Variants in INPP4B observed in about 807,000 individuals in gnomAD.
INPP4B encodes the protein inositol polyphosphate 4-phosphatase type II.
Under a neutral mutation model 122.5 loss-of-function variants are expected in INPP4B, and 55 were observed. The observed-to-expected ratio is 0.45, with a 90% CI of 0.36 to 0.56. The LOEUF (loss-of-function observed/expected upper bound fraction) is 0.56. INPP4B is among the 20% of genes least tolerant of loss of function. The probability of loss-of-function intolerance (pLI) is 0.00; values close to 1 mark genes in which losing one functional copy is unlikely to be tolerated. For synonymous variants in INPP4B, 403 were observed against 388.7 expected, an observed-to-expected ratio of 1.04 and a Z score of -0.43; for missense variants, 1,000 against 1,097.7, an observed-to-expected ratio of 0.91 and a Z score of 1.26.
rs141361624 is a variant in INPP4B, at chr4:142,651,785, T to G, written c.-191+74054A>C. 2.7e-3 allele frequency among the ~76,000 whole-genome samples: 405 copies of G among 152,234 alleles called. 6 individuals carry two copies. The highest frequency in any genetic ancestry group is 0.018 in the East Asian group (95 of 5,176). ...CTGGTAGATTCACAGCTGAAATCTA[T>G]GAGATGTACATAGAGGAGCTGGTAC... On this transcript the variant is annotated intron_variant, in intron 2 of 25. Coordinates refer to ENST00000262992, the MANE Select transcript of INPP4B (RefSeq NM_001101669.3).
At chr4:142,407,749 A>G (rs189647722) in intron 5 of INPP4B, among the ~76,000 whole-genome samples, 1 of 152,186 alleles carries the variant, frequency 6.6e-6, no homozygotes, top group Admixed American at 6.5e-5. Flanking sequence ...CAGAATTCCT[A>G]AGCTGTGCTC....
At chr4:142,587,897 G>A (rs1038206526) in intron 2 of INPP4B, among the ~76,000 whole-genome samples, 12 of 151,926 alleles carry the variant, frequency 7.9e-5, no homozygotes, top group South Asian at 2.1e-4. Flanking sequence ...GTAAAGCATA[G>A]ACCAATATCT....
chr4:142,266,171 A>G (rs1742698738), intron 10 of INPP4B, among the ~76,000 whole-genome samples: 1 of 152,162 alleles, frequency 6.6e-6, no homozygotes, highest in African/African-American at 2.4e-5. Flanking sequence ...TTCATGTGAT[A>G]GTGACAAAGA....
intron 12 of INPP4B, among the ~76,000 whole-genome samples, chr4:142,235,244 T>C (rs906033169): frequency 1.1e-4 from 17 of 152,070 alleles, no homozygotes; most frequent in Admixed American, 3.9e-4. Context: ...CTTTACTCTT[T>C]CGTTTCCTAG....
At chr4:142,589,062 T>C (rs1310801035) in intron 2 of INPP4B, among the ~76,000 whole-genome samples, 1 of 151,948 alleles carries the variant, frequency 6.6e-6, no homozygotes, top group East Asian at 1.9e-4. Context: ...AGCCAGTTGA[T>C]TTTTTTCCAA....
chr4:142,698,201 A>G (rs938009943), intron 2 of INPP4B, among the ~76,000 whole-genome samples: 1 of 152,114 alleles, frequency 6.6e-6, no homozygotes, highest in African/African-American at 2.4e-5. Context: ...ATTAAGTTAC[A>G]GATCTTACAA....
intron 7 of INPP4B, among the ~76,000 whole-genome samples, chr4:142,379,915 G>C (rs910569359): frequency 6.6e-6 from 1 of 152,184 alleles, no homozygotes; most frequent in African/African-American, 2.4e-5. Flanking sequence ...GGCAAGACCA[G>C]GTAGAGCTGG....
At chr4:142,193,259 C>A in intron 14 of INPP4B, 64 bp from the exon 15 acceptor site, 2 of 900,698 alleles carry the variant, frequency 2.2e-6, no homozygotes, top group Non-Finnish European at 1.8e-6. Context: ...ATGCTGTTTG[C>A]ATTGAAGCAT....
At chr4:142,681,719 G>A (rs1166718770) in intron 2 of INPP4B, among the ~76,000 whole-genome samples, 1 of 151,750 alleles carries the variant, frequency 6.6e-6, no homozygotes, top group Admixed American at 6.6e-5. Context: ...AGAAAAAATA[G>A]CAATAATAGG....
intron 11 of INPP4B, among the ~76,000 whole-genome samples, chr4:142,255,302 A>G (rs756627778): frequency 1.3e-5 from 2 of 152,108 alleles, no homozygotes; most frequent in Non-Finnish European, 2.9e-5. Context: ...TCAACTAAGG[A>G]GCAAAATAAC....
chr4:142,288,279 TTA>T (rs1326900436), intron 9 of INPP4B, among the ~76,000 whole-genome samples: 1 of 152,208 alleles, frequency 6.6e-6, no homozygotes, highest in Non-Finnish European at 1.5e-5. Flanking sequence ...CTAGAAATTT[TTA>T]TCTTAAAATG....
rs535212286 is a variant in INPP4B at position 142,028,135 on chromosome 4, T to C, written c.*647A>G. On this transcript the variant is annotated 3_prime_UTR_variant, in exon 26 of 26. Coordinates refer to ENST00000262992, the MANE Select transcript of INPP4B (RefSeq NM_001101669.3). The stretch of plus-strand genomic sequence containing the variant: ...AACCCAAGTCAGAGTTCTGAAAAGA[T>C]GCCATGGTTTTGAAAGGTCTGTTGA... 8.7e-6 allele frequency: 2 copies of C among 229,490 alleles called. No homozygotes were observed. Among genetic ancestry groups the C allele is most frequent in the East Asian group, 1.2e-4 (2 of 16,112 alleles). The allele number at this position is 229,490 out of a possible 1,614,324, so 14.2% of individuals were successfully genotyped here.
chr4:142,074,100 T>G (rs1344175310), intron 25 of INPP4B, among the ~76,000 whole-genome samples: 1 of 152,072 alleles, frequency 6.6e-6, no homozygotes, highest in Admixed American at 6.6e-5. Context: ...TCCACTGTGC[T>G]TTCATTTAAA....
chr4:142,098,738 A>G (rs1314135127), intron 23 of INPP4B, among the ~76,000 whole-genome samples: 1 of 152,158 alleles, frequency 6.6e-6, no homozygotes, highest in African/African-American at 2.4e-5. Flanking sequence ...TAGGAAGAAC[A>G]GCTTTTTTAA....
intron 25 of INPP4B, among the ~76,000 whole-genome samples, chr4:142,041,856 C>T (rs1177526534): frequency 6.6e-6 from 1 of 151,658 alleles, no homozygotes; most frequent in Non-Finnish European, 1.5e-5. Context: ...GACACATGTA[C>T]TGCATCTCCA....
At chr4:142,840,820 G>C (rs1457836110) in intron 1 of INPP4B, among the ~76,000 whole-genome samples, 1 of 151,924 alleles carries the variant, frequency 6.6e-6, no homozygotes, top group African/African-American at 2.4e-5. Context: ...AGAACAACAG[G>C]TCTAAAATAC....
In INPP4B at chr4:142,257,982, A is replaced by G. The variant is rs559185076; in HGVS notation, c.688+2510T>C. Among the ~76,000 whole-genome samples the G allele has an allele frequency of 1.8e-3, 276 of 152,310 alleles. 2 individuals are homozygous for G. The highest frequency in any genetic ancestry group is 5.7e-3 in the Admixed American group (87 of 15,302). The stretch of plus-strand genomic sequence containing the variant: ...ACAAGGCTACAGTAACCAAAACAGC[A>G]TGGTACTGGTACCAAAACAGAGATA... On this transcript the variant is annotated intron_variant, in intron 11 of 25. Coordinates refer to ENST00000262992, the MANE Select transcript of INPP4B (RefSeq NM_001101669.3).
In INPP4B at chr4:142,024,577, A is replaced by G. The variant is rs190794247; in HGVS notation, c.*4205T>C. The G allele has an allele frequency of 5.9e-5, 9 of 152,256 alleles. No homozygotes were observed. Among genetic ancestry groups the G allele is most frequent in the Admixed American group, 4.6e-4 (7 of 15,284 alleles). The allele number at this position is 152,256 out of a possible 1,614,324, so 9.4% of individuals were successfully genotyped here. A position where few individuals can be genotyped will look rare whatever the true frequency, so the allele number is the denominator to read the frequency against. On this transcript the variant is annotated 3_prime_UTR_variant, in exon 26 of 26. Coordinates refer to ENST00000262992, the MANE Select transcript of INPP4B (RefSeq NM_001101669.3). ...GTGCCTCATATATTGAACCAAACAA[A>G]TGATATACCATCCTGCTTGGAAATC...
At chr4:142,123,116 T>C (rs554114245) in intron 20 of INPP4B, among the ~76,000 whole-genome samples, 176 bp downstream of exon 20, 39 of 152,252 alleles carry the variant, frequency 2.6e-4, no homozygotes, top group African/African-American at 7.7e-4. Flanking sequence ...TTTCAAAGCA[T>C]AATAGGAGGC....
Sources: gnomAD v4.1 joint callset for allele counts (sites outside exome capture counted in the v4.1 genomes callset) on GRCh38, gnomAD v4.1.1 for gene constraint, MANE v1.5 for transcripts, NCBI Gene and HGNC (gene_info 2026-07-23, HGNC 2026-07-21) for gene names.